CDC42SE2: variants seen among roughly 807,000 people sequenced by gnomAD.
The protein encoded by CDC42SE2 is CDC42 small effector 2.
A neutral mutation model predicts 11.5 loss-of-function variants in CDC42SE2; 3 were observed. That is an observed-to-expected ratio of 0.26 (90% CI 0.12 to 0.67). The LOEUF is 0.67. Ranked by LOEUF, CDC42SE2 falls within the 30% of genes least tolerant of loss-of-function variation. The pLI is 0.80. For missense variants in CDC42SE2, 82 were observed against 106.8 expected (o/e 0.77, Z 1.02); for synonymous variants, 33 against 34.8 (o/e 0.95, Z 0.18).
At chr5:131,315,830 A>C (rs1758029646) in intron 1 of CDC42SE2, 146 bp from the exon 2 acceptor site, 2 of 152,212 alleles carry the variant, frequency 1.3e-5, no homozygotes, top group Admixed American at 6.5e-5. Flanking sequence ...TATGGTGTTG[A>C]AATGCAGGTT....
At chr5:131,383,506 G>A (rs1430795023) in intron 3 of CDC42SE2, among the ~76,000 whole-genome samples, 1 of 152,104 alleles carries the variant, frequency 6.6e-6, no homozygotes. Context: ...ATATAGTTAA[G>A]TGTTTTTAGG....
chr5:131,319,682 A>G (rs769654607), intron 2 of CDC42SE2, among the ~76,000 whole-genome samples: 50 of 152,316 alleles, frequency 3.3e-4, no homozygotes, highest in Non-Finnish European at 6.5e-4. Context: ...TTTTAAAAGG[A>G]TTTTTAAAGA....
At chr5:131,287,449 T>C (rs1329431233) in intron 1 of CDC42SE2, among the ~76,000 whole-genome samples, 2 of 152,032 alleles carry the variant, frequency 1.3e-5, no homozygotes, top group Non-Finnish European at 2.9e-5. Context: ...AATGGATGTT[T>C]GTAGAATTTT....
chr5:131,244,492 C>CTTGAGGCCAGGAGT (rs1209181063), upstream of CDC42SE2, among the ~76,000 whole-genome samples: 2 of 152,216 alleles, frequency 1.3e-5, no homozygotes, highest in Non-Finnish European at 2.9e-5. Context: ...AGGTGGATCA[C>CTTGAGGCCAGGAGT]TTGAGGCCAG....
Position 131,272,463 on chromosome 5 carries a change from G to A in CDC42SE2, c.-455+8297G>A, listed in dbSNP as rs187145163. ...TTTCCTGTATGTTAAAAATGAAAGC[G>A]ATCAGAATAAAACTTTTATACGTCT... is the stretch of plus-strand genomic sequence containing the variant. On this transcript the variant is annotated intron_variant, in intron 1 of 4. Transcript: ENST00000505065. 5.9e-5 allele frequency among the ~76,000 whole-genome samples: 9 copies of A among 152,042 alleles called. No homozygotes were observed. In the South Asian group the frequency reaches 1.0e-3, roughly 18 times the overall value.
intron 3 of CDC42SE2, among the ~76,000 whole-genome samples, chr5:131,375,589 G>T (rs1490159731): frequency 6.6e-6 from 1 of 152,198 alleles, no homozygotes; most frequent in Admixed American, 6.5e-5. Flanking sequence ...TGGCATTCCA[G>T]TGAGTGAGCT....
upstream of CDC42SE2, among the ~76,000 whole-genome samples, chr5:131,261,859 A>C (rs906272403): frequency 1.6e-4 from 21 of 130,716 alleles, no homozygotes; most frequent in Admixed American, 1.3e-3. Context: ...ACCCTGTCTC[A>C]AAAAAAAAAA....
the CDC42SE2 span, among the ~76,000 whole-genome samples, chr5:131,215,213 G>A: frequency 1.6e-4 from 24 of 152,176 alleles, no homozygotes; most frequent in Non-Finnish European, 2.9e-4. Context: ...CTGAAAATAG[G>A]TCTCTGAACA....
At chr5:131,230,149 T>C in the CDC42SE2 span, among the ~76,000 whole-genome samples, 1 of 147,238 alleles carries the variant, frequency 6.8e-6, no homozygotes, top group African/African-American at 2.7e-5. Context: ...CTTGTTCTAA[T>C]GACAATTCTG....
chr5:131,309,782 C>T (rs56889560), intron 1 of CDC42SE2, among the ~76,000 whole-genome samples: 10,282 of 151,932 alleles, frequency 0.068, 663 homozygotes, highest in African/African-American at 0.17. Flanking sequence ...TCTGTGGGAT[C>T]GGTGGTGATA....
chr5:131,234,559 C>T, the CDC42SE2 span, among the ~76,000 whole-genome samples: 9 of 151,504 alleles, frequency 5.9e-5, no homozygotes, highest in Non-Finnish European at 8.8e-5. Flanking sequence ...TTGCTTGAAC[C>T]TGGGCGGCAG....
intron 2 of CDC42SE2, among the ~76,000 whole-genome samples, chr5:131,358,623 G>A (rs1476975904): frequency 2.0e-5 from 3 of 152,174 alleles, no homozygotes; most frequent in Non-Finnish European, 4.4e-5. Flanking sequence ...TTCTAGTAAT[G>A]ATGGTAGGAG....
chr5:131,219,955 A>AAAT, the CDC42SE2 span, among the ~76,000 whole-genome samples: 1 of 152,132 alleles, frequency 6.6e-6, no homozygotes. Flanking sequence ...AAACAAAAAA[A>AAAT]GTTGTGGGTT....
intron 1 of CDC42SE2, among the ~76,000 whole-genome samples, chr5:131,308,928 A>G (rs566516585): frequency 3.2e-3 from 476 of 150,964 alleles, no homozygotes; most frequent in African/African-American, 0.011. Context: ...CTAATTGAAT[A>G]CCCTTTATTT....
intron 1 of CDC42SE2, among the ~76,000 whole-genome samples, chr5:131,287,422 G>T (rs978381395): frequency 2.6e-5 from 4 of 151,392 alleles, no homozygotes; most frequent in Admixed American, 1.3e-4. Flanking sequence ...GTCAGTTGTA[G>T]TGTTTCATTG....
chr5:131,372,106 T>C (rs1252178510), intron 3 of CDC42SE2, among the ~76,000 whole-genome samples: 1 of 152,204 alleles, frequency 6.6e-6, no homozygotes, highest in Non-Finnish European at 1.5e-5. Flanking sequence ...GAACAAATAC[T>C]TATGCATGTA....
At chr5:131,307,085 C>A (rs1224565402) in intron 1 of CDC42SE2, among the ~76,000 whole-genome samples, 1 of 151,188 alleles carries the variant, frequency 6.6e-6, no homozygotes, top group Non-Finnish European at 1.5e-5. Flanking sequence ...TATTATTATA[C>A]TTTAAGTTTT....
chr5:131,367,159 G>GAT (rs963816248), intron 3 of CDC42SE2, among the ~76,000 whole-genome samples: 6 of 151,024 alleles, frequency 4.0e-5, no homozygotes, highest in East Asian at 1.9e-4. Context: ...ATCATGTAAT[G>GAT]ATATATATAT....
At chr5:131,301,825 C>T (rs1561577350) in intron 1 of CDC42SE2, among the ~76,000 whole-genome samples, 1 of 151,890 alleles carries the variant, frequency 6.6e-6, no homozygotes, top group Non-Finnish European at 1.5e-5. Context: ...TTGCTAATTG[C>T]TAGCATAATG....
Sources: gnomAD v4.1 joint callset for allele counts (sites outside exome capture counted in the v4.1 genomes callset) on GRCh38, gnomAD v4.1.1 for gene constraint, MANE v1.5 for transcripts, NCBI Gene and HGNC (gene_info 2026-07-23, HGNC 2026-07-21) for gene names.